Variants in TCF4 observed in about 807,000 individuals in gnomAD.
The protein encoded by TCF4 is transcription factor 4.
TCF4 carries 3 observed loss-of-function variants against 82.1 expected under a neutral mutation model. That is an observed-to-expected ratio of 0.04 (90% CI 0.02 to 0.09). TCF4 has a LOEUF of 0.09. Among genes scored for constraint, TCF4 ranks in the 10% least tolerant of loss-of-function variants. The pLI is 1.00. For missense variants in TCF4, 518 were observed against 852.7 expected, an observed-to-expected ratio of 0.61 and a Z score of 4.89; for synonymous variants, 276 against 309.6, an observed-to-expected ratio of 0.89 and a Z score of 1.14.
intron 8 of TCF4, 49 bp downstream of exon 8, chr18:55,350,310 A>C: frequency 2.5e-6 from 4 of 1,584,510 alleles, no homozygotes; most frequent in African/African-American, 1.3e-5. Context: ...CATCAATACA[A>C]AACAGAACAA....
intron 6 of TCF4, among the ~76,000 whole-genome samples, chr18:55,396,040 A>T (rs2146287085): frequency 6.6e-6 from 1 of 152,232 alleles, no homozygotes; most frequent in Admixed American, 6.5e-5. Context: ...AGCTGAGTGC[A>T]GCTACTCTGT....
At chr18:55,273,800 T>A (rs1186327599) in intron 10 of TCF4, among the ~76,000 whole-genome samples, 1 of 152,190 alleles carries the variant, frequency 6.6e-6, no homozygotes, top group East Asian at 1.9e-4. Flanking sequence ...TAGTTCATAA[T>A]ATTGTTTTGG....
rs146837901 is a variant in TCF4 at position 55,340,219 on chromosome 18, T to A, written c.549+10140A>T. Reference sequence around the variant, plus strand: ...GGCTGATTTAGGCATAAACAAATTATTGGCCAAGGGAACCACAGTATAAGC... The same window carrying A: ...GGCTGATTTAGGCATAAACAAATTAATGGCCAAGGGAACCACAGTATAAGC... On this transcript the variant is annotated intron_variant, in intron 8 of 19. Coordinates refer to ENST00000354452, the MANE Select transcript of TCF4 (RefSeq NM_001083962.2). Among the ~76,000 whole-genome samples, 9 of 152,276 alleles carry A rather than the reference T, an allele frequency of 5.9e-5. No individual in the cohort carries two copies. In the East Asian group the frequency reaches 1.7e-3, roughly 29 times the overall value.
chr18:55,423,728 T>A (rs897502970), intron 5 of TCF4: 19 of 152,450 alleles, frequency 1.2e-4, no homozygotes, highest in African/African-American at 4.3e-4. Context: ...TCACAGTCTG[T>A]CAGACACACA....
At chr18:55,593,451 T>A (rs745452701), upstream of TCF4, among the ~76,000 whole-genome samples, 1 of 152,202 alleles carries the variant, frequency 6.6e-6, no homozygotes, top group Non-Finnish European at 1.5e-5. Context: ...TGGCAAATAT[T>A]GATACCCCAT....
chr18:55,224,312 C>T lies in TCF4; in HGVS notation c.*3723G>A, dbSNP rs2046315131. The T allele has an allele frequency of 6.6e-6, 1 of 152,476 alleles. No homozygotes were observed. Among genetic ancestry groups the T allele is most frequent in the Non-Finnish European group, 1.5e-5 (1 of 67,998 alleles). 9.4% of individuals were successfully genotyped at this position (152,476 alleles called of 1,614,324 possible). A position where few individuals can be genotyped will look rare whatever the true frequency, so the allele number is the denominator to read the frequency against. On this transcript the variant is annotated 3_prime_UTR_variant, in exon 20 of 20. Coordinates refer to ENST00000354452, the MANE Select transcript of TCF4 (RefSeq NM_001083962.2). ...CCAGCACTGCACAAAGATGAGTCCA[C>T]TTCAAGTCCCATGAGAAAGAGCATG... is the stretch of plus-strand genomic sequence containing the variant.
At chr18:55,587,875 G>A (rs1054898050) in intron 1 of TCF4, among the ~76,000 whole-genome samples, 163 bp downstream of exon 1, 1 of 148,250 alleles carries the variant, frequency 6.7e-6, no homozygotes. Flanking sequence ...GGCGGCGAGG[G>A]GGAGGGAAGC....
At chr18:55,306,767 G>T (rs2070503036) in intron 8 of TCF4, among the ~76,000 whole-genome samples, 1 of 152,204 alleles carries the variant, frequency 6.6e-6, no homozygotes, top group South Asian at 2.1e-4. Flanking sequence ...TCCCTGGGTT[G>T]CAAAGGGTTG....
At chr18:55,497,816 C>T (rs1233319492) in intron 3 of TCF4, among the ~76,000 whole-genome samples, 2 of 151,940 alleles carry the variant, frequency 1.3e-5, no homozygotes, top group African/African-American at 4.8e-5. Context: ...ATGTACTGTA[C>T]TTTAAAGTAT....
chr18:55,248,703 A>C (rs1172582392), intron 15 of TCF4, among the ~76,000 whole-genome samples: 1 of 152,204 alleles, frequency 6.6e-6, no homozygotes, highest in Non-Finnish European at 1.5e-5. Context: ...TGAGCAGTGT[A>C]GGATATAGCA....
intron 5 of TCF4, among the ~76,000 whole-genome samples, chr18:55,457,571 C>G (rs948027949): frequency 6.6e-6 from 1 of 152,158 alleles, no homozygotes; most frequent in Non-Finnish European, 1.5e-5. Flanking sequence ...CTGCAACCTC[C>G]GCCCCCTGAG....
intron 6 of TCF4, among the ~76,000 whole-genome samples, chr18:55,362,807 A>G (rs1444693345): frequency 6.6e-6 from 1 of 152,180 alleles, no homozygotes; most frequent in East Asian, 1.9e-4. Context: ...GTTTTCTTAT[A>G]TTTCTCATTA....
At chr18:55,302,035 T>C (rs776053921) in intron 8 of TCF4, among the ~76,000 whole-genome samples, 4 of 152,244 alleles carry the variant, frequency 2.6e-5, no homozygotes, top group Non-Finnish European at 5.9e-5. Flanking sequence ...TAAATTCCAC[T>C]GTCCTGCAGA....
At chr18:55,509,867 T>C (rs2096805795) in intron 3 of TCF4, among the ~76,000 whole-genome samples, 1 of 152,148 alleles carries the variant, frequency 6.6e-6, no homozygotes, top group Admixed American at 6.5e-5. Context: ...GGAAATTCCT[T>C]TGATAATCAA....
chr18:55,588,533 C>T (rs1170321409), upstream of TCF4: 1 of 1,532,844 alleles, frequency 6.5e-7, no homozygotes, highest in Non-Finnish European at 8.7e-7. Flanking sequence ...TTGCCCGTTG[C>T]ATCCCTCGGA....
At chr18:55,298,490 T>C (rs1465186276) in intron 8 of TCF4, among the ~76,000 whole-genome samples, 1 of 152,056 alleles carries the variant, frequency 6.6e-6, no homozygotes, top group African/African-American at 2.4e-5. Flanking sequence ...CAATACTATA[T>C]ATTTCAGGAA....
chr18:55,613,007 A>C (rs570324250), intron 2 of TCF4, among the ~76,000 whole-genome samples: 1 of 152,238 alleles, frequency 6.6e-6, no homozygotes, highest in South Asian at 2.1e-4. Flanking sequence ...CCATCACCCC[A>C]ATAGTGTACT....
chr18:55,556,120 G>A (rs1408608369), intron 3 of TCF4, among the ~76,000 whole-genome samples: 6 of 152,094 alleles, frequency 3.9e-5, no homozygotes, highest in African/African-American at 1.4e-4. Context: ...ATCATTAATA[G>A]TTAAGTGAGC....
At chr18:55,512,830 G>A (rs2096842084) in intron 3 of TCF4, among the ~76,000 whole-genome samples, 1 of 152,136 alleles carries the variant, frequency 6.6e-6, no homozygotes, top group Non-Finnish European at 1.5e-5. Context: ...AAAAAATACA[G>A]TAGCATCATA....
Sources: allele counts gnomAD v4.1 joint callset (sites outside exome capture counted in the v4.1 genomes callset), GRCh38; gene constraint gnomAD v4.1.1; transcripts MANE v1.5; gene names NCBI Gene and HGNC (gene_info 2026-07-23, HGNC 2026-07-21).